SMAD3: variants seen among roughly 807,000 people sequenced by gnomAD.
SMAD3 encodes the protein SMAD family member 3, also known as MAD homolog 3.
In SMAD3, 12 loss-of-function variants were observed where a neutral mutation model predicts 51.8. The ratio of observed to expected loss-of-function variants is 0.23; its 90% CI spans 0.15 to 0.38. SMAD3 has a LOEUF of 0.38. Ranked by LOEUF, SMAD3 falls within the 10% of genes least tolerant of loss-of-function variation. SMAD3 has a pLI of 1.00. For synonymous variants in SMAD3, 238 were observed against 227.7 expected (o/e 1.05, Z -0.41); for missense variants, 294 against 565.6 (o/e 0.52, Z 4.87).
At position 67,138,167 on chromosome 15, in the gene SMAD3, G is replaced by A. The variant is rs1410673261; in HGVS notation, c.207-26728G>A. On this transcript the variant is annotated intron_variant, in intron 1 of 8. Transcript: ENST00000327367. ...ACTCGTCTCCCCACCCGTCCACAGG[G>A]TTGCTGGCCAGAGATCTGTCAGAGT... 1.9e-5 allele frequency: 24 copies of A among 1,242,510 alleles called. No individual in the cohort carries two copies. In the East Asian group the frequency reaches 5.3e-4, roughly 28 times the overall value. 77.0% of individuals were successfully genotyped at this position (1,242,510 alleles called of 1,614,324 possible). A position where few individuals can be genotyped will look rare whatever the true frequency, so the allele number is the denominator to read the frequency against.
intron 1 of SMAD3, among the ~76,000 whole-genome samples, chr15:67,129,271 T>G (rs4776897): frequency 0.68 from 103,617 of 152,024 alleles, 35,395 homozygotes; most frequent in African/African-American, 0.74. Context: ...AACTCAGGTT[T>G]GTTTAGCCTT....
Position 67,065,803 on chromosome 15 carries a change from C to T in SMAD3, c.-352C>T, listed in dbSNP as rs1479964423. ...TGGACTTTCCTTCCCGGAGGCGGCA[C>T]CCAAACAGCTACCCCGTGCGGAAAC... is the stretch of plus-strand genomic sequence containing the variant. On this transcript the variant is annotated 5_prime_UTR_variant, in exon 1 of 9. Coordinates refer to ENST00000327367, the MANE Select transcript of SMAD3 (RefSeq NM_005902.4). The T allele has an allele frequency of 2.9e-5, 6 of 207,046 alleles. No individual in the cohort carries two copies. The highest frequency in any genetic ancestry group is 5.9e-5 in the Non-Finnish European group (6 of 101,238). The allele number at this position is 207,046 out of a possible 1,614,324, so 12.8% of individuals were successfully genotyped here.
intron 1 of SMAD3, chr15:67,098,525 T>TA (rs1960669847): frequency 3.2e-6 from 1 of 313,908 alleles, no homozygotes; most frequent in African/African-American, 2.0e-5. Flanking sequence ...AGGGGTTTCT[T>TA]ACTGCCCCTG....
In SMAD3 at chr15:67,098,891, G is replaced by A. The variant is rs561709243; in HGVS notation, c.206+32531G>A. On this transcript the variant is annotated intron_variant, in intron 1 of 8. Transcript: ENST00000327367. ...ATACATGGATGGGAGGGTGGACTCC[G>A]TTCCTGAGGGGGCCAGTGTGGAGGA... The A allele has an allele frequency of 1.2e-4, 82 of 702,286 alleles. 2 individuals are homozygous for A. Among genetic ancestry groups the A allele is most frequent in the South Asian group, 8.7e-4 (59 of 67,574 alleles). 43.5% of individuals were successfully genotyped at this position (702,286 alleles called of 1,614,324 possible).
At chr15:67,158,223 G>T (rs1239600273) in intron 1 of SMAD3, among the ~76,000 whole-genome samples, 2 of 152,208 alleles carry the variant, frequency 1.3e-5, no homozygotes, top group Non-Finnish European at 2.9e-5. Flanking sequence ...CTGGGAGAGT[G>T]TGTTCTGGAC....
intron 1 of SMAD3, among the ~76,000 whole-genome samples, chr15:67,099,591 C>A (rs1014628603): frequency 1.3e-5 from 2 of 152,174 alleles, no homozygotes; most frequent in Non-Finnish European, 2.9e-5. Flanking sequence ...ATATGTAATA[C>A]TTGTGCAGAA....
chr15:67,102,398 G>A (rs1595900073), intron 1 of SMAD3, among the ~76,000 whole-genome samples: 1 of 152,182 alleles, frequency 6.6e-6, no homozygotes, highest in Non-Finnish European at 1.5e-5. Flanking sequence ...TACACATACA[G>A]CAGTCATGCA....
chr15:67,169,021 A>G (rs183593877), intron 4 of SMAD3, among the ~76,000 whole-genome samples: 1 of 152,328 alleles, frequency 6.6e-6, no homozygotes, highest in East Asian at 1.9e-4. Flanking sequence ...AGGCCAGCAC[A>G]AAACAGGGGA....
At chr15:67,183,012 T>A (rs1163469704) in intron 6 of SMAD3, among the ~76,000 whole-genome samples, 1 of 72,916 alleles carries the variant, frequency 1.4e-5, no homozygotes, top group Non-Finnish European at 2.5e-5. Context: ...TATATATATA[T>A]ATATATATAT....
intron 1 of SMAD3, among the ~76,000 whole-genome samples, chr15:67,135,345 C>T (rs1467430967): frequency 1.3e-5 from 2 of 152,204 alleles, no homozygotes; most frequent in Non-Finnish European, 2.9e-5. Flanking sequence ...TTCACAGTCC[C>T]CTGACTGCTT....
chr15:67,150,753 T>C (rs561868007), intron 1 of SMAD3, among the ~76,000 whole-genome samples: 39 of 149,964 alleles, frequency 2.6e-4, no homozygotes, highest in African/African-American at 9.0e-4. Flanking sequence ...CAGATAAGAC[T>C]TGAGAAATTG....
intron 7 of SMAD3, chr15:67,186,925 A>G: frequency 2.7e-6 from 1 of 373,836 alleles, no homozygotes; most frequent in Non-Finnish European, 5.3e-6. Flanking sequence ...GAACGGCCAG[A>G]GCTCCTGTTC....
chr15:67,181,582 T>A, intron 6 of SMAD3, 129 bp downstream of exon 6: 2 of 801,622 alleles, frequency 2.5e-6, no homozygotes, highest in South Asian at 3.0e-5. Context: ...CTCTGCCTCC[T>A]GCTGGGCATG....
chr15:67,184,270 TAAAA>T (rs368205462), intron 6 of SMAD3, among the ~76,000 whole-genome samples: 3 of 149,060 alleles, frequency 2.0e-5, no homozygotes, highest in African/African-American at 7.4e-5. Context: ...CCCAGTTAAT[TAAAA>T]AAAAAATGTT....
In SMAD3 at chr15:67,065,664, A is replaced by T. The variant is rs1358035777; in HGVS notation, c.-491A>T. Among the ~76,000 whole-genome samples, 1 of 150,340 alleles carries T rather than the reference A, an allele frequency of 6.7e-6. No homozygotes were observed. Among genetic ancestry groups the T allele is most frequent in the Non-Finnish European group, 1.5e-5 (1 of 67,404 alleles). On this transcript the variant is annotated 5_prime_UTR_variant, in exon 1 of 9. Transcript: ENST00000327367. ...GCGCACGCCCCGGGCCGGCCCAGCCAGCGAGCGAGCGAGCGGCGAGCCGGG... is the reference window on the plus strand; with the variant it reads ...GCGCACGCCCCGGGCCGGCCCAGCCTGCGAGCGAGCGAGCGGCGAGCCGGG...
At chr15:67,101,232 T>C (rs1040779675) in intron 1 of SMAD3, among the ~76,000 whole-genome samples, 8 of 152,234 alleles carry the variant, frequency 5.3e-5, no homozygotes, top group Admixed American at 3.3e-4. Context: ...ACACTGCTTC[T>C]TCTTTTCTTC....
chr15:67,181,345 A>G lies in SMAD3; in HGVS notation c.763A>G (p.Met255Val). ...GACATTCCACGCCTCGCAGCCATCC[A>G]TGACTGTGGATGGCTTCACCGACCC... is the stretch of plus-strand genomic sequence containing the variant. Reference protein sequence around the residue: ...GETFHASQPSMTVDGFTDPSN... With the variant: ...GETFHASQPSVTVDGFTDPSN... The change falls in exon 6 of 9, where the codon ATG (methionine) becomes GTG (valine). Residue 255 changes from methionine (M) to valine (V), a missense_variant. Around this residue, in one of 3 missense-constraint regions of SMAD3, gnomAD observed 118 missense variants for 278.0 expected, o/e 0.42. Coordinates refer to ENST00000327367, the MANE Select transcript of SMAD3 (RefSeq NM_005902.4). 2 of 1,614,040 alleles carry G rather than the reference A, an allele frequency of 1.2e-6. No homozygotes were observed. Among genetic ancestry groups the G allele is most frequent in the Non-Finnish European group, 1.7e-6 (2 of 1,180,006 alleles).
intron 1 of SMAD3, among the ~76,000 whole-genome samples, chr15:67,150,426 G>T (rs572442572): frequency 6.6e-6 from 1 of 152,196 alleles, no homozygotes; most frequent in East Asian, 1.9e-4. Context: ...AGTTATCATC[G>T]CCTGGTTCCA....
chr15:67,116,136 G>T (rs79358614), intron 1 of SMAD3, among the ~76,000 whole-genome samples: 1 of 152,352 alleles, frequency 6.6e-6, no homozygotes, highest in Non-Finnish European at 1.5e-5. Context: ...CCAGTTAGTT[G>T]CCTTGTGCAT....
Sources: allele counts gnomAD v4.1 joint callset (sites outside exome capture counted in the v4.1 genomes callset), GRCh38; gene constraint gnomAD v4.1.1; regional missense constraint gnomAD v4.1.1; transcripts MANE v1.5; gene names NCBI Gene and HGNC (gene_info 2026-07-23, HGNC 2026-07-21).